RSPH14: variants seen among roughly 807,000 people sequenced by gnomAD.
The protein encoded by RSPH14 is radial spoke head 14 homolog, also known as rhabdoid tumor deletion region gene 1.
RSPH14 carries 20 observed loss-of-function variants against 26.7 expected under a neutral mutation model. The observed-to-expected ratio is 0.75, with a 90% CI of 0.53 to 1.09. RSPH14 has a LOEUF of 1.09. Among genes scored for constraint, RSPH14 ranks in the 50% least tolerant of loss-of-function variants. The probability of loss-of-function intolerance (pLI) is 0.00; values close to 1 mark genes in which losing one functional copy is unlikely to be tolerated. For missense variants in RSPH14, 449 were observed against 457.2 expected, an observed-to-expected ratio of 0.98 and a Z score of 0.16; for synonymous variants, 177 against 189.3, an observed-to-expected ratio of 0.93 and a Z score of 0.53.
At chr22:23,152,475 AGGT>A in the RSPH14 span, 1 of 1,614,174 alleles carries the variant, frequency 6.2e-7, no homozygotes, top group South Asian at 1.1e-5. Context: ...AAACTCTCCA[AGGT>A]GGTGGTGGTT....
the RSPH14 span, chr22:23,161,019 G>A: frequency 4.4e-6 from 7 of 1,581,704 alleles, no homozygotes; most frequent in South Asian, 3.4e-5. Context: ...GTGTGACTGG[G>A]TTGGGCTGGG....
intron 4 of RSPH14, among the ~76,000 whole-genome samples, chr22:23,064,655 A>G (rs2068165773): frequency 6.6e-6 from 1 of 152,162 alleles, no homozygotes; most frequent in Non-Finnish European, 1.5e-5. Flanking sequence ...GAAGACCTAG[A>G]GTGTAGGCCA....
At chr22:23,089,008 C>G (rs553630389) in intron 4 of RSPH14, among the ~76,000 whole-genome samples, 13 of 152,336 alleles carry the variant, frequency 8.5e-5, no homozygotes, top group African/African-American at 2.9e-4. Flanking sequence ...GGGGCAGGGT[C>G]TGTGTGTTGA....
the RSPH14 span, among the ~76,000 whole-genome samples, chr22:23,172,989 T>C: frequency 2.0e-5 from 2 of 100,592 alleles, no homozygotes; most frequent in African/African-American, 4.0e-5. Flanking sequence ...AATCATACAG[T>C]ATGTAGCCTT....
At chr22:23,062,291 A>G (rs960450064) in intron 5 of RSPH14, among the ~76,000 whole-genome samples, 7 of 152,242 alleles carry the variant, frequency 4.6e-5, no homozygotes, top group Non-Finnish European at 8.8e-5. Context: ...ACTTTGCCTA[A>G]GAGCCAGAGC....
At chr22:23,176,365 C>G in the RSPH14 span, among the ~76,000 whole-genome samples, 1 of 152,208 alleles carries the variant, frequency 6.6e-6, no homozygotes, top group South Asian at 2.1e-4. Context: ...AAAGAAAATG[C>G]TAAACTGTCA....
chr22:23,174,117 C>A, the RSPH14 span, among the ~76,000 whole-genome samples: 21 of 152,166 alleles, frequency 1.4e-4, no homozygotes, highest in African/African-American at 5.1e-4. Context: ...TGGGTCCCAG[C>A]CTGTTCTTCC....
chr22:23,094,602 G>A (rs998442581), intron 4 of RSPH14, among the ~76,000 whole-genome samples: 1 of 152,222 alleles, frequency 6.6e-6, no homozygotes, highest in African/African-American at 2.4e-5. Flanking sequence ...GCAGGAGTGA[G>A]GCAGCCCCTG....
chr22:23,136,455 C>A, intron 3 of RSPH14: 2 of 507,850 alleles, frequency 3.9e-6, no homozygotes, highest in Non-Finnish European at 7.4e-6. Context: ...TAGAAGTTGG[C>A]CACATTTCTG....
rs189353898 is a variant in RSPH14 at position 23,075,275 on chromosome 22, C to G, written c.422-11142G>C. On this transcript the variant is annotated intron_variant, in intron 4 of 6. Transcript: ENST00000216036. Reference sequence around the variant, plus strand: ...GGCCGCTGGAGTCAGTCACACCCAGCCTGTGAGCTTCACCTTGGCACCATG... The same window carrying G: ...GGCCGCTGGAGTCAGTCACACCCAGGCTGTGAGCTTCACCTTGGCACCATG... 2.5e-3 allele frequency among the ~76,000 whole-genome samples: 380 copies of G among 152,280 alleles called. 1 individual carries two copies. Among genetic ancestry groups the G allele is most frequent in the African/African-American group, 8.7e-3 (362 of 41,544 alleles).
intron 4 of RSPH14, among the ~76,000 whole-genome samples, chr22:23,085,106 A>G (rs2068783058): frequency 6.6e-6 from 1 of 152,076 alleles, no homozygotes; most frequent in South Asian, 2.1e-4. Context: ...ATAGGTGGAC[A>G]TGGTTTCCAG....
At chr22:23,070,075 G>C (rs2068302317) in intron 4 of RSPH14, among the ~76,000 whole-genome samples, 2 of 152,272 alleles carry the variant, frequency 1.3e-5, no homozygotes, top group East Asian at 1.9e-4. Flanking sequence ...CAGCGGAGTC[G>C]GTGGAACGCC....
the RSPH14 span, among the ~76,000 whole-genome samples, chr22:23,173,584 A>G: frequency 6.7e-6 from 1 of 148,910 alleles, no homozygotes; most frequent in Admixed American, 6.7e-5. Flanking sequence ...GGGACTACAG[A>G]CACATGCCAC....
At chr22:23,173,221 G>A in the RSPH14 span, among the ~76,000 whole-genome samples, 18 of 150,132 alleles carry the variant, frequency 1.2e-4, no homozygotes, top group Admixed American at 8.0e-4. Flanking sequence ...TGCAAGCTCC[G>A]CCTTCCAGGT....
At chr22:23,121,218 C>G (rs2070016340) in intron 4 of RSPH14, among the ~76,000 whole-genome samples, 2 of 152,204 alleles carry the variant, frequency 1.3e-5, no homozygotes, top group Non-Finnish European at 2.9e-5. Flanking sequence ...CTCCTCAGGA[C>G]TCCTGTTATT....
At chr22:23,095,096 C>T (rs1287052574) in intron 4 of RSPH14, among the ~76,000 whole-genome samples, 1 of 152,210 alleles carries the variant, frequency 6.6e-6, no homozygotes, top group Non-Finnish European at 1.5e-5. Context: ...CCTACAGCGC[C>T]CCATGGAGGA....
chr22:23,177,153 C>G, the RSPH14 span, among the ~76,000 whole-genome samples: 3 of 152,242 alleles, frequency 2.0e-5, no homozygotes, highest in Non-Finnish European at 4.4e-5. Flanking sequence ...ATCTCCCAAC[C>G]TGGCTGCTCC....
chr22:23,095,968 C>G, intron 4 of RSPH14: 2 of 1,611,620 alleles, frequency 1.2e-6, no homozygotes, highest in Non-Finnish European at 1.7e-6. Context: ...TGGCCGCCCT[C>G]AGGATCGACT....
the RSPH14 span, chr22:23,162,662 C>T: frequency 4.4e-6 from 2 of 456,322 alleles, no homozygotes; most frequent in East Asian, 1.4e-4. Flanking sequence ...GAACCAGCCC[C>T]ACAGCCCCAG....
Sources: gnomAD v4.1 joint callset for allele counts (sites outside exome capture counted in the v4.1 genomes callset) on GRCh38, gnomAD v4.1.1 for gene constraint, MANE v1.5 for transcripts, NCBI Gene and HGNC (gene_info 2026-07-23, HGNC 2026-07-21) for gene names.